The following FA2H variants were observed in gnomAD, a reference collection of about 807,000 sequenced individuals.
The protein encoded by FA2H is fatty acid alpha-hydroxylase.
FA2H carries 22 observed loss-of-function variants against 44.9 expected under a neutral mutation model. The ratio of observed to expected loss-of-function variants is 0.49; its 90% CI spans 0.35 to 0.70. The LOEUF (loss-of-function observed/expected upper bound fraction) is 0.70. FA2H is among the 30% of genes least tolerant of loss of function. The pLI, the probability that FA2H is intolerant of heterozygous loss-of-function variation, is 0.01. For missense variants in FA2H, 501 were observed against 504.9 expected (o/e 0.99, Z 0.07); for synonymous variants, 243 against 213.2 (o/e 1.14, Z -1.22).
chr16:74,741,802 A>G lies in FA2H; in HGVS notation c.271-1687T>C, dbSNP rs865972340. On this transcript the variant is annotated intron_variant, in intron 1 of 6. Transcript: ENST00000219368. ...TATATATATATATATATATATATATATATATATGTGTGTGTGTGTGTGTGT... is the reference window on the plus strand; with the variant it reads ...TATATATATATATATATATATATATGTATATATGTGTGTGTGTGTGTGTGT... 3.5e-3 allele frequency among the ~76,000 whole-genome samples: 247 copies of G among 71,206 alleles called. 3 individuals are homozygous for G. The highest frequency in any genetic ancestry group is 0.013 in the African/African-American group (210 of 16,014). The allele number at this position is 71,206 out of a possible 152,430, so 46.7% of individuals were successfully genotyped here. A position where few individuals can be genotyped will look rare whatever the true frequency, so the allele number is the denominator to read the frequency against.
chr16:74,766,270 G>T (rs1244897738), intron 1 of FA2H, among the ~76,000 whole-genome samples: 1 of 151,782 alleles, frequency 6.6e-6, no homozygotes, highest in East Asian at 1.9e-4. Context: ...CTGCACTCTA[G>T]CCTGGGGCCG....
chr16:74,737,813 C>G (rs553077993), intron 2 of FA2H, among the ~76,000 whole-genome samples: 76 of 152,276 alleles, frequency 5.0e-4, no homozygotes, highest in Middle Eastern at 3.4e-3. Context: ...GGCCTCTTTC[C>G]CAGCTCCTCC....
chr16:74,760,707 C>T (rs1419468692), intron 1 of FA2H, among the ~76,000 whole-genome samples: 1 of 152,234 alleles, frequency 6.6e-6, no homozygotes, highest in East Asian at 1.9e-4. Context: ...CCTTCTCCTT[C>T]TGTCTTCAGA....
rs1181946391 is a variant in FA2H, at chr16:74,774,780, C to A, written c.-25G>T. 2.3e-6 allele frequency: 3 copies of A among 1,277,576 alleles called. No homozygotes were observed. The highest frequency in any genetic ancestry group is 2.0e-6 in the Non-Finnish European group (2 of 1,018,076). 79.1% of individuals were successfully genotyped at this position (1,277,576 alleles called of 1,614,324 possible). On this transcript the variant is annotated 5_prime_UTR_variant, in exon 1 of 7. Transcript: ENST00000219368. The stretch of plus-strand genomic sequence containing the variant: ...TGGCCGGAGACCGCAGCTCCCAGCG[C>A]GCAGCCCGGCGTCTGCTCTGCTGCC...
chr16:74,762,422 G>A (rs1226685376), intron 1 of FA2H, among the ~76,000 whole-genome samples: 1 of 152,202 alleles, frequency 6.6e-6, no homozygotes, highest in Non-Finnish European at 1.5e-5. Context: ...CTAAAAATCA[G>A]TGCAACACTG....
intron 6 of FA2H, among the ~76,000 whole-genome samples, chr16:74,715,011 T>G (rs189288386): frequency 6.6e-6 from 1 of 151,924 alleles, no homozygotes; most frequent in African/African-American, 2.4e-5. Flanking sequence ...TAATTTTTTG[T>G]GTTTTTAGTA....
intron 1 of FA2H, 100 bp from the exon 2 acceptor site, chr16:74,740,215 C>G: frequency 1.1e-6 from 1 of 926,836 alleles, no homozygotes; most frequent in Non-Finnish European, 1.8e-6. Context: ...TGGTGAGAGC[C>G]CCGTGGGTGG....
chr16:74,766,673 T>C (rs114263967), intron 1 of FA2H, among the ~76,000 whole-genome samples: 1,708 of 152,144 alleles, frequency 0.011, 24 homozygotes, highest in African/African-American at 0.037. Context: ...CAACAGGTGG[T>C]CCAAGCCATT....
intron 1 of FA2H, among the ~76,000 whole-genome samples, chr16:74,747,035 G>A (rs931200626): frequency 2.6e-5 from 4 of 152,164 alleles, no homozygotes; most frequent in African/African-American, 7.2e-5. Context: ...AATTAGCCAG[G>A]CATGGCGGTT....
intron 2 of FA2H, among the ~76,000 whole-genome samples, chr16:74,738,001 A>C (rs1476349863): frequency 2.0e-5 from 3 of 152,200 alleles, no homozygotes; most frequent in Non-Finnish European, 2.9e-5. Flanking sequence ...TCAAAAGTGA[A>C]AAGAAAAGAA....
At chr16:74,761,546 C>T (rs999388353) in intron 1 of FA2H, among the ~76,000 whole-genome samples, 1 of 152,146 alleles carries the variant, frequency 6.6e-6, no homozygotes, top group Non-Finnish European at 1.5e-5. Context: ...CAGGGATCAT[C>T]GTTATCCAAC....
At chr16:74,767,343 C>T (rs908006852) in intron 1 of FA2H, among the ~76,000 whole-genome samples, 4 of 151,938 alleles carry the variant, frequency 2.6e-5, no homozygotes, top group South Asian at 2.1e-4. Context: ...AAACTTTGTG[C>T]ACCTTTCTGG....
intron 4 of FA2H, among the ~76,000 whole-genome samples, chr16:74,719,764 C>T (rs1245364756): frequency 6.6e-6 from 1 of 151,812 alleles, no homozygotes; most frequent in Non-Finnish European, 1.5e-5. Flanking sequence ...CTATGTTGCC[C>T]AGGCTGGTCT....
intron 4 of FA2H, among the ~76,000 whole-genome samples, chr16:74,724,567 C>T (rs1961910476): frequency 2.0e-5 from 3 of 152,196 alleles, no homozygotes; most frequent in Admixed American, 2.0e-4. Flanking sequence ...CGCCGAGTCT[C>T]CCCTTGCCTT....
rs1441214493 is a variant in FA2H at position 74,719,009 on chromosome 16, G to T, written c.765C>A (p.Val255=). 1 of 1,613,952 alleles carries T rather than the reference G, an allele frequency of 6.2e-7. No individual in the cohort carries two copies. Among genetic ancestry groups the T allele is most frequent in the Non-Finnish European group, 8.5e-7 (1 of 1,180,048 alleles). ...DSYYLIMLHF[V]MHGQHHKAPF... ...TCACCTTGTGGTGCTGGCCGTGCAT[G>T]ACGAAGTGCAGCATGATGAGGTAAT... Residue 255 remains valine, a synonymous_variant, in exon 5 of 7, where the codon GTC becomes GTA. Transcript: ENST00000219368.
At chr16:74,729,837 G>A (rs748402972) in intron 2 of FA2H, among the ~76,000 whole-genome samples, 26 of 152,056 alleles carry the variant, frequency 1.7e-4, no homozygotes, top group Non-Finnish European at 3.5e-4. Flanking sequence ...CAATCGGAGT[G>A]AGGATGAGGG....
At chr16:74,752,425 A>G (rs1962543782) in intron 1 of FA2H, among the ~76,000 whole-genome samples, 1 of 151,178 alleles carries the variant, frequency 6.6e-6, no homozygotes, top group Non-Finnish European at 1.5e-5. Flanking sequence ...ACCAGACTCC[A>G]TCCCTCCCCA....
chr16:74,743,480 G>A (rs1015474803), intron 1 of FA2H, among the ~76,000 whole-genome samples: 3 of 152,220 alleles, frequency 2.0e-5, no homozygotes, highest in Non-Finnish European at 4.4e-5. Flanking sequence ...GGGAGACAGG[G>A]GGAAGGGCAG....
intron 1 of FA2H, among the ~76,000 whole-genome samples, chr16:74,742,682 T>A (rs566940945): frequency 6.6e-6 from 1 of 151,378 alleles, no homozygotes; most frequent in South Asian, 2.1e-4. Context: ...AAAGAAAAAA[T>A]AAAAAAGCCA....
Sources: allele counts gnomAD v4.1 joint callset (sites outside exome capture counted in the v4.1 genomes callset), GRCh38; gene constraint gnomAD v4.1.1; transcripts MANE v1.5; gene names NCBI Gene and HGNC (gene_info 2026-07-23, HGNC 2026-07-21).